Variants in DIS3L2 observed in about 807,000 individuals in gnomAD.
DIS3L2 encodes DIS3-like exonuclease 2.
DIS3L2 carries 34 observed loss-of-function variants against 97.5 expected under a neutral mutation model. The observed-to-expected ratio is 0.35, with a 90% CI of 0.27 to 0.46. DIS3L2 has a LOEUF of 0.46. Among genes scored for constraint, DIS3L2 ranks in the 20% least tolerant of loss-of-function variants. The pLI, the probability that DIS3L2 is intolerant of heterozygous loss-of-function variation, is 1.00. For missense variants in DIS3L2, 1,038 were observed against 1,146.0 expected, an observed-to-expected ratio of 0.91 and a Z score of 1.36; for synonymous variants, 435 against 445.2, an observed-to-expected ratio of 0.98 and a Z score of 0.29.
chr2:231,984,447 C>T (rs1322356960), intron 1 of DIS3L2, among the ~76,000 whole-genome samples: 2 of 141,434 alleles, frequency 1.4e-5, no homozygotes, highest in African/African-American at 2.6e-5. Flanking sequence ...AGTGCAGTGG[C>T]GCGATCTCGG....
chr2:232,285,433 C>T (rs1694400333), intron 13 of DIS3L2, among the ~76,000 whole-genome samples: 1 of 152,256 alleles, frequency 6.6e-6, no homozygotes, highest in South Asian at 2.1e-4. Flanking sequence ...ACTGAGCTCT[C>T]ACCTGATTCT....
intron 9 of DIS3L2, among the ~76,000 whole-genome samples, chr2:232,193,658 A>C (rs1428697722): frequency 6.6e-6 from 1 of 152,208 alleles, no homozygotes. Flanking sequence ...TATATTCATA[A>C]TCCAAAGGAC....
At chr2:231,991,491 A>G (rs1206546275) in intron 1 of DIS3L2, among the ~76,000 whole-genome samples, 1 of 151,996 alleles carries the variant, frequency 6.6e-6, no homozygotes, top group Non-Finnish European at 1.5e-5. Flanking sequence ...GCTGGTCTTA[A>G]ACTGCTGGGC....
chr2:232,336,039 G>C (rs1342386324), intron 20 of DIS3L2, 165 bp downstream of exon 20: 3 of 1,525,810 alleles, frequency 2.0e-6, no homozygotes, highest in African/African-American at 2.8e-5. Context: ...CCCTCCTGTG[G>C]GTCCTGCTTT....
chr2:231,979,852 A>C (rs1693202920), intron 1 of DIS3L2, among the ~76,000 whole-genome samples: 2 of 152,198 alleles, frequency 1.3e-5, no homozygotes, highest in African/African-American at 4.8e-5. Context: ...CTGGGATTAC[A>C]GTCGTGAGCC....
chr2:232,238,651 A>C lies in DIS3L2; in HGVS notation c.1317+6A>C. On this transcript the variant is annotated splice_donor_region_variant and intron_variant, in intron 11 of 20. Coordinates refer to ENST00000325385, the MANE Select transcript of DIS3L2 (RefSeq NM_152383.5). ...GCGTCTACTTGGTTCAAAAGGTAAAAATCCATCTCTAGTTTCTTTTTTCTT... is the reference window on the plus strand; with the variant it reads ...GCGTCTACTTGGTTCAAAAGGTAAACATCCATCTCTAGTTTCTTTTTTCTT... 1 of 1,609,100 alleles carries C rather than the reference A, an allele frequency of 6.2e-7. No homozygotes were observed. The highest frequency in any genetic ancestry group is 8.5e-7 in the Non-Finnish European group (1 of 1,177,114).
intron 5 of DIS3L2, among the ~76,000 whole-genome samples, chr2:232,039,922 T>G (rs1014594723): frequency 2.0e-5 from 3 of 152,204 alleles, no homozygotes; most frequent in African/African-American, 7.2e-5. Flanking sequence ...AGGTACCCAG[T>G]GGCTTCTCAT....
intron 6 of DIS3L2, among the ~76,000 whole-genome samples, chr2:232,092,761 A>C (rs1417437123): frequency 1.3e-5 from 2 of 152,134 alleles, no homozygotes; most frequent in Non-Finnish European, 2.9e-5. Flanking sequence ...CTAAAAGTTT[A>C]CTGAATTTTC....
chr2:232,135,805 G>A (rs1376983993), intron 7 of DIS3L2, among the ~76,000 whole-genome samples: 2 of 152,072 alleles, frequency 1.3e-5, no homozygotes, highest in East Asian at 1.9e-4. Context: ...AAGCTCTGAG[G>A]AAGGGATGAG....
intron 13 of DIS3L2, among the ~76,000 whole-genome samples, chr2:232,287,205 T>G (rs559872035): frequency 4.3e-4 from 66 of 152,272 alleles, no homozygotes; most frequent in African/African-American, 1.3e-3. Flanking sequence ...ATGAAAACAT[T>G]CCCCTAAGAT....
intron 9 of DIS3L2, among the ~76,000 whole-genome samples, chr2:232,184,950 AT>A (rs1691395270): frequency 6.6e-6 from 1 of 152,030 alleles, no homozygotes; most frequent in Non-Finnish European, 1.5e-5. Flanking sequence ...AATGCTGTGA[AT>A]TTTTTGTCTT....
chr2:231,971,580 T>C (rs1479038158), intron 1 of DIS3L2, among the ~76,000 whole-genome samples: 1 of 152,128 alleles, frequency 6.6e-6, no homozygotes, highest in Non-Finnish European at 1.5e-5. Flanking sequence ...CCTGAGTAGC[T>C]GGGACTACAG....
chr2:232,060,527 A>G (rs1398095659), intron 5 of DIS3L2, among the ~76,000 whole-genome samples: 1 of 152,106 alleles, frequency 6.6e-6, no homozygotes, highest in Non-Finnish European at 1.5e-5. Context: ...GTCTGTTTTT[A>G]TGCCAGTATC....
At chr2:232,254,103 C>A (rs1248205167) in intron 12 of DIS3L2, among the ~76,000 whole-genome samples, 1 of 152,136 alleles carries the variant, frequency 6.6e-6, no homozygotes, top group African/African-American at 2.4e-5. Context: ...CATTAGCACA[C>A]CTAACAGTGA....
At chr2:232,122,871 A>G (rs1380478254) in intron 6 of DIS3L2, among the ~76,000 whole-genome samples, 1 of 152,230 alleles carries the variant, frequency 6.6e-6, no homozygotes, top group Non-Finnish European at 1.5e-5. Context: ...AAAGGAGGAA[A>G]TTCAGAGACA....
intron 5 of DIS3L2, among the ~76,000 whole-genome samples, chr2:232,057,490 A>G (rs1695577307): frequency 6.6e-6 from 1 of 152,194 alleles, no homozygotes; most frequent in South Asian, 2.1e-4. Context: ...ACCTGACCTC[A>G]TCAGGTGAGC....
intron 6 of DIS3L2, among the ~76,000 whole-genome samples, chr2:232,111,795 C>T (rs1697542075): frequency 6.6e-6 from 1 of 152,090 alleles, no homozygotes; most frequent in African/African-American, 2.4e-5. Context: ...TAAGTAGTTT[C>T]CTGATGGATA....
At chr2:232,329,786 C>CCCGGGGGCGCG in intron 14 of DIS3L2, 27 bp from the exon 15 acceptor site, 1 of 430,238 alleles carries the variant, frequency 2.3e-6, no homozygotes, top group Non-Finnish European at 4.2e-6. Context: ...CCCCAGCGGT[C>CCCGGGGGCGCG]CCTCCCATCC....
At chr2:232,339,860 A>C, downstream of DIS3L2, 1 of 382,488 alleles carries the variant, frequency 2.6e-6, no homozygotes, top group South Asian at 1.9e-5. Context: ...AGAATGGACC[A>C]GGAGGTCCCG....
Sources: gnomAD v4.1 joint callset for allele counts (sites outside exome capture counted in the v4.1 genomes callset) on GRCh38, gnomAD v4.1.1 for gene constraint, MANE v1.5 for transcripts, NCBI Gene and HGNC (gene_info 2026-07-23, HGNC 2026-07-21) for gene names.